Variants in FEZ1 observed in about 807,000 individuals in gnomAD.
FEZ1 encodes the protein fasciculation and elongation protein zeta 1, also known as fasciculation and elongation protein zeta-1.
Under a neutral mutation model 49.3 loss-of-function variants are expected in FEZ1, and 20 were observed. That is an observed-to-expected ratio of 0.41 (90% confidence interval 0.29 to 0.59). The LOEUF (loss-of-function observed/expected upper bound fraction) is 0.59, where lower values mean the gene tolerates loss of function less well. FEZ1 is among the 20% of genes least tolerant of loss of function. The probability of loss-of-function intolerance (pLI) is 0.36; values close to 1 mark genes in which losing one functional copy is unlikely to be tolerated. For synonymous variants in FEZ1, 170 were observed against 180.9 expected, an observed-to-expected ratio of 0.94 and a Z score of 0.48; for missense variants, 413 against 476.0, an observed-to-expected ratio of 0.87 and a Z score of 1.23.
In FEZ1 at chr11:125,488,482, C is replaced by T. The variant is rs1384932695; in HGVS notation, c.311+985G>A. On this transcript the variant is annotated intron_variant, in intron 2 of 9. Coordinates refer to ENST00000278919, the MANE Select transcript of FEZ1 (RefSeq NM_005103.5). ...AATCACCAGGTCAGGAGTTCGAGAC[C>T]AGCCTGGCCAACATGGTGAAACTCC... Among the ~76,000 whole-genome samples the T allele has an allele frequency of 2.6e-5, 4 of 152,300 alleles. No homozygotes were observed. In the East Asian group the frequency reaches 7.7e-4, roughly 29 times the overall value.
At chr11:125,483,918 T>A (rs1357827458) in intron 2 of FEZ1, among the ~76,000 whole-genome samples, 1 of 152,248 alleles carries the variant, frequency 6.6e-6, no homozygotes, top group African/African-American at 2.4e-5. Flanking sequence ...GAGCCTTTGC[T>A]GATAAGCTTT....
At chr11:125,456,363 G>T in intron 5 of FEZ1, 1 of 411,262 alleles carries the variant, frequency 2.4e-6, no homozygotes, top group Non-Finnish European at 4.3e-6. Flanking sequence ...GAAGTCTGTG[G>T]ACTCTATTCT....
intron 2 of FEZ1, among the ~76,000 whole-genome samples, chr11:125,487,721 A>G (rs1957338356): frequency 6.6e-6 from 1 of 152,266 alleles, no homozygotes; most frequent in African/African-American, 2.4e-5. Context: ...TATTACATGT[A>G]CATACAAGGC....
At chr11:125,476,253 C>T (rs1359488011) in intron 3 of FEZ1, among the ~76,000 whole-genome samples, 1 of 152,138 alleles carries the variant, frequency 6.6e-6, no homozygotes, top group Non-Finnish European at 1.5e-5. Flanking sequence ...TTAATATGTG[C>T]AGCTCATTAT....
chr11:125,461,891 T>C (rs924258731), intron 4 of FEZ1, among the ~76,000 whole-genome samples: 1 of 152,200 alleles, frequency 6.6e-6, no homozygotes. Context: ...ACTTAGGAAA[T>C]ACCCAGTCTT....
At chr11:125,447,307 TG>T (rs1469767368) in intron 9 of FEZ1, among the ~76,000 whole-genome samples, 8 of 152,080 alleles carry the variant, frequency 5.3e-5, no homozygotes, top group Admixed American at 2.6e-4. Flanking sequence ...AAATCCACAA[TG>T]AGGAAATTCT....
chr11:125,483,876 G>A (rs554131817), intron 2 of FEZ1, among the ~76,000 whole-genome samples: 12 of 152,240 alleles, frequency 7.9e-5, no homozygotes, highest in East Asian at 3.9e-4. Flanking sequence ...GGGCTCTCTC[G>A]GGATCATTTA....
chr11:125,457,427 A>ATATATAT (rs57032147), intron 5 of FEZ1, among the ~76,000 whole-genome samples: 1 of 27,202 alleles, frequency 3.7e-5, no homozygotes, highest in African/African-American at 1.4e-4. Context: ...AAAAAAAAAA[A>ATATATAT]AAATATATAT....
intron 2 of FEZ1, chr11:125,488,937 A>T (rs1298584158): frequency 1.0e-6 from 1 of 985,358 alleles, no homozygotes; most frequent in East Asian, 1.1e-4. Flanking sequence ...TTCCACCTTT[A>T]CTTTGTCCAG....
intron 9 of FEZ1, among the ~76,000 whole-genome samples, chr11:125,446,802 T>C (rs1277031543): frequency 6.6e-6 from 1 of 152,082 alleles, no homozygotes. Flanking sequence ...CTCAGCCTCC[T>C]GAGTAGTTGG....
Position 125,445,409 on chromosome 11 carries a change from G to C in FEZ1, c.*686C>G, listed in dbSNP as rs1378516943. Among the ~76,000 whole-genome samples, 3 of 152,198 alleles carry C rather than the reference G, an allele frequency of 2.0e-5. No individual in the cohort carries two copies. The highest frequency in any genetic ancestry group is 7.2e-5 in the African/African-American group (3 of 41,446). ...CCACCAGGAGATCTGCAGCTGTGTGGCTCCTCCATGAGGCCCACTTTCTAT... is the reference window on the plus strand; with the variant it reads ...CCACCAGGAGATCTGCAGCTGTGTGCCTCCTCCATGAGGCCCACTTTCTAT... On this transcript the variant is annotated 3_prime_UTR_variant, in exon 10 of 10. Coordinates refer to ENST00000278919, the MANE Select transcript of FEZ1 (RefSeq NM_005103.5). The surrounding 1 kb of genome is among the most constrained non-coding windows in gnomAD (Gnocchi z 4.4).
chr11:125,479,373 C>T (rs1169434022), intron 3 of FEZ1, among the ~76,000 whole-genome samples: 1 of 152,130 alleles, frequency 6.6e-6, no homozygotes, highest in African/African-American at 2.4e-5. Flanking sequence ...AAGATTAGAC[C>T]CATCCAACTC....
chr11:125,481,085 A>G (rs530749831), intron 3 of FEZ1, among the ~76,000 whole-genome samples: 1 of 152,084 alleles, frequency 6.6e-6, no homozygotes, highest in Non-Finnish European at 1.5e-5. Context: ...AAAAAAAATT[A>G]CTTTTGCACC....
intron 3 of FEZ1, among the ~76,000 whole-genome samples, chr11:125,471,391 A>G (rs1240535117): frequency 2.0e-5 from 3 of 151,736 alleles, no homozygotes; most frequent in Admixed American, 1.3e-4. Context: ...CTTTAAATAA[A>G]AAGACAGAGA....
chr11:125,471,659 A>C (rs1957183908), intron 3 of FEZ1, among the ~76,000 whole-genome samples: 1 of 152,190 alleles, frequency 6.6e-6, no homozygotes. Flanking sequence ...ATAAATGCAC[A>C]ACAATGGTTG....
chr11:125,487,863 G>A (rs1049583587), intron 2 of FEZ1, among the ~76,000 whole-genome samples: 1 of 152,160 alleles, frequency 6.6e-6, no homozygotes, highest in African/African-American at 2.4e-5. Context: ...CCCTCTATGT[G>A]TAAAAGTAGA....
rs1034371498 is a variant in FEZ1 at position 125,443,921 on chromosome 11, A to G, written c.*2174T>C. Among the ~76,000 whole-genome samples the G allele has an allele frequency of 2.0e-5, 3 of 152,168 alleles. No homozygotes were observed. Among genetic ancestry groups the G allele is most frequent in the Non-Finnish European group, 4.4e-5 (3 of 68,026 alleles). On this transcript the variant is annotated 3_prime_UTR_variant, in exon 10 of 10. Transcript: ENST00000278919. ...CTGGCAGGATAAATTGGGGGAAAGG[A>G]GTGGCTGACCCAGATCTGACAAATC...
At chr11:125,459,835 A>T (rs1957056291) in intron 5 of FEZ1, among the ~76,000 whole-genome samples, 1 of 152,064 alleles carries the variant, frequency 6.6e-6, no homozygotes. Context: ...AGTGGCTCAC[A>T]CTTGTAATCC....
intron 5 of FEZ1, among the ~76,000 whole-genome samples, chr11:125,458,783 A>G (rs984779017): frequency 4.6e-5 from 7 of 152,126 alleles, no homozygotes; most frequent in Non-Finnish European, 7.4e-5. Context: ...AAATATAATC[A>G]TCGGGCCGGG....
Sources: gnomAD v4.1 joint callset for allele counts (sites outside exome capture counted in the v4.1 genomes callset) on GRCh38, gnomAD v4.1.1 for gene constraint, Gnocchi (gnomAD v3.1) non-coding constraint, MANE v1.5 for transcripts, NCBI Gene and HGNC (gene_info 2026-07-23, HGNC 2026-07-21) for gene names.